The following GRIN1 variants were observed in gnomAD, a reference collection of about 807,000 sequenced individuals.
GRIN1 encodes the protein glutamate ionotropic receptor NMDA type subunit 1.
In GRIN1, 38 loss-of-function variants were observed where a neutral mutation model predicts 103.0. That is an observed-to-expected ratio of 0.37 (90% CI 0.28 to 0.48). The LOEUF is 0.48. Among genes scored for constraint, GRIN1 ranks in the 20% least tolerant of loss-of-function variants. GRIN1 has a pLI of 0.98. For missense variants in GRIN1, 577 were observed against 1,288.9 expected (o/e 0.45, Z 8.46); for synonymous variants, 544 against 532.7 (o/e 1.02, Z -0.29).
At chr9:137,140,734 A>C (rs1197416842) in intron 1 of GRIN1, among the ~76,000 whole-genome samples, 3 of 152,236 alleles carry the variant, frequency 2.0e-5, no homozygotes, top group Non-Finnish European at 4.4e-5. Context: ...GCACATAACC[A>C]TACCCTAGCA....
chr9:137,161,960 A>G lies in GRIN1; in HGVS notation c.1504A>G (p.Met502Val). ...NSNKKEWNGM[M>V]GELLSGQADM... is the part of the protein sequence containing the mutation. ...CAACAAGAAGGAGTGGAATGGGATG[A>G]TGGGCGAGCTGCTCAGCGGGCAGGC... Residue 502 changes from methionine to valine, a missense_variant, in exon 11 of 20, where the codon ATG becomes GTG. Met to Val is a conservative substitution (Grantham distance 21). Around this residue, in one of 9 missense-constraint regions of GRIN1, gnomAD observed 96 missense variants for 145.0 expected, o/e 0.66. Coordinates refer to ENST00000371561, the MANE Select transcript of GRIN1 (RefSeq NM_007327.4). 6.4e-7 allele frequency: 1 copy of G among 1,566,540 alleles called. No individual in the cohort carries two copies. Among genetic ancestry groups the G allele is most frequent in the Non-Finnish European group, 8.7e-7 (1 of 1,155,912 alleles).
chr9:137,156,958 G>C lies in GRIN1; in HGVS notation c.889G>C (p.Glu297Gln). The stretch of plus-strand genomic sequence containing the variant: ...GGCCCAGGCCGTGCACGAGCTCCTC[G>C]AGAAGGAGAACATCACCGACCCGCC... ...VVAQAVHELLEKENITDPPRG... is the reference protein window; with the variant it reads ...VVAQAVHELLQKENITDPPRG... Residue 297 changes from glutamate (E) to glutamine (Q), a missense_variant, in exon 6 of 20, where the codon GAG becomes CAG. By Grantham distance (29) the Glu-to-Gln change is conservative (BLOSUM62 2). This residue lies in a region of GRIN1 where 308 missense variants were observed against 553.6 expected (regional missense o/e 0.56). Transcript: ENST00000371561. The C allele has an allele frequency of 1.2e-6, 2 of 1,612,218 alleles. No individual in the cohort carries two copies. The highest frequency in any genetic ancestry group is 1.7e-6 in the Non-Finnish European group (2 of 1,179,832).
intron 4 of GRIN1, among the ~76,000 whole-genome samples, chr9:137,152,163 C>G (rs1832953804): frequency 6.6e-6 from 1 of 152,166 alleles, no homozygotes; most frequent in Non-Finnish European, 1.5e-5. Context: ...GCCTCGGCCT[C>G]CCAAAGTGCT....
intron 2 of GRIN1, among the ~76,000 whole-genome samples, chr9:137,144,331 G>GA (rs1393031705): frequency 1.3e-5 from 2 of 148,164 alleles, no homozygotes; most frequent in African/African-American, 5.3e-5. Context: ...ACAGGGGTGG[G>GA]AAAAAGGAGG....
At chr9:137,167,312 T>C in intron 19 of GRIN1, 99 bp from the exon 20 acceptor site, 1 of 925,906 alleles carries the variant, frequency 1.1e-6, no homozygotes, top group African/African-American at 1.6e-5. Context: ...GCCCCTGTCC[T>C]GTGGCCGGTC....
chr9:137,142,782 G>C (rs757875414), intron 2 of GRIN1, among the ~76,000 whole-genome samples: 4 of 152,212 alleles, frequency 2.6e-5, no homozygotes, highest in Non-Finnish European at 2.9e-5. Flanking sequence ...TGGGTGGAGA[G>C]CAATGTCTGT....
At chr9:137,162,555 CTCTAGGG>C in intron 13 of GRIN1, 29 bp from the exon 14 acceptor site, 1 of 1,611,070 alleles carries the variant, frequency 6.2e-7, no homozygotes, top group Non-Finnish European at 8.5e-7. Context: ...CGCCTCGGCC[CTCTAGGG>C]TCTGACAGAG....
chr9:137,160,930 C>A, intron 8 of GRIN1, 126 bp from the exon 9 acceptor site: 2 of 1,219,632 alleles, frequency 1.6e-6, no homozygotes, highest in Non-Finnish European at 1.2e-6. Context: ...CGGCGCAGGG[C>A]GGGGGGTGTG....
At chr9:137,147,269 G>A (rs1832593525) in intron 3 of GRIN1, among the ~76,000 whole-genome samples, 1 of 151,544 alleles carries the variant, frequency 6.6e-6, no homozygotes, top group South Asian at 2.1e-4. Flanking sequence ...ACCTGGACAC[G>A]TACTCAGGTG....
chr9:137,163,375 A>G lies in GRIN1; in HGVS notation c.2333+45A>G, dbSNP rs200783719. The G allele has an allele frequency of 1.7e-5, 28 of 1,603,172 alleles. No individual in the cohort carries two copies. In the African/African-American group the frequency reaches 3.2e-4, roughly 18 times the overall value. ...CGTCCCTCCTCCGCCCCTCTCCGCC[A>G]GAGGTGGACGCCCTCCCCAGTGCCA... On this transcript the variant is annotated intron_variant, in intron 16 of 19. Coordinates refer to ENST00000371561, the MANE Select transcript of GRIN1 (RefSeq NM_007327.4).
chr9:137,166,683 TG>T (rs915842194), intron 19 of GRIN1, among the ~76,000 whole-genome samples: 1 of 152,088 alleles, frequency 6.6e-6, no homozygotes, highest in African/African-American at 2.4e-5. Flanking sequence ...GGGTGGACAG[TG>T]AGAGCCTGTA....
chr9:137,167,333 C>T (rs557550935), intron 19 of GRIN1, 78 bp from the exon 20 acceptor site: 9 of 1,118,538 alleles, frequency 8.0e-6, no homozygotes, highest in South Asian at 2.7e-5. Flanking sequence ...CGGGCCAGGG[C>T]GGCACTGGGC....
intron 8 of GRIN1, among the ~76,000 whole-genome samples, chr9:137,160,588 C>T (rs948500921): frequency 6.6e-6 from 1 of 152,164 alleles, no homozygotes; most frequent in Non-Finnish European, 1.5e-5. Context: ...CACCACCACG[C>T]CCGGCTAATT....
chr9:137,159,830 C>T (rs1361351434), intron 8 of GRIN1, among the ~76,000 whole-genome samples: 1 of 152,166 alleles, frequency 6.6e-6, no homozygotes, highest in Non-Finnish European at 1.5e-5. Context: ...GCGGGCCTGC[C>T]CCCCTCTCAG....
At chr9:137,155,765 C>G (rs547382064) in intron 4 of GRIN1, among the ~76,000 whole-genome samples, 8 of 152,358 alleles carry the variant, frequency 5.3e-5, no homozygotes, top group Admixed American at 3.9e-4. Flanking sequence ...GACCAGGTCC[C>G]CTGCTCCACT....
chr9:137,153,914 C>T (rs965917341), intron 4 of GRIN1, among the ~76,000 whole-genome samples: 7 of 151,758 alleles, frequency 4.6e-5, no homozygotes, highest in Admixed American at 2.0e-4. Context: ...GGGATTCAAG[C>T]GATTCTCCTG....
chr9:137,168,512 T>C lies in GRIN1; in HGVS notation c.*985T>C. The stretch of plus-strand genomic sequence containing the variant: ...CCCCGGACGCTGGCTCGGGACTGTC[T>C]TCAACCCTGCCCTGCACCTTGGGCA... On this transcript the variant is annotated 3_prime_UTR_variant, in exon 20 of 20. Coordinates refer to ENST00000371561, the MANE Select transcript of GRIN1 (RefSeq NM_007327.4). 4.6e-6 allele frequency: 1 copy of C among 215,570 alleles called. No homozygotes were observed. Among genetic ancestry groups the C allele is most frequent in the Non-Finnish European group, 9.0e-6 (1 of 110,734 alleles). 13.4% of individuals were successfully genotyped at this position (215,570 alleles called of 1,614,324 possible). A position where few individuals can be genotyped will look rare whatever the true frequency, so the allele number is the denominator to read the frequency against.
In GRIN1 at chr9:137,161,286, C is replaced by T; in HGVS notation, c.1340-3C>T. 2 of 1,612,236 alleles carry T rather than the reference C, an allele frequency of 1.2e-6. No individual in the cohort carries two copies. The highest frequency in any genetic ancestry group is 1.7e-6 in the Non-Finnish European group (2 of 1,179,588). On this transcript the variant is annotated splice_region_variant and splice_polypyrimidine_tract_variant and intron_variant, in intron 9 of 19. Coordinates refer to ENST00000371561, the MANE Select transcript of GRIN1 (RefSeq NM_007327.4). ...CCAGCAGTTACCGCCCGCACCTACC[C>T]AGCCCGCCACACGGTGCCTCAGTGT...
chr9:137,164,577 G>C (rs1355027342), intron 18 of GRIN1: 1 of 178,276 alleles, frequency 5.6e-6, no homozygotes, highest in Admixed American at 5.4e-5. Flanking sequence ...GGCCAGGGCT[G>C]CTGGGGGATG....
Sources: allele counts gnomAD v4.1 joint callset (sites outside exome capture counted in the v4.1 genomes callset), GRCh38; gene constraint gnomAD v4.1.1; regional missense constraint gnomAD v4.1.1; transcripts MANE v1.5; gene names NCBI Gene and HGNC (gene_info 2026-07-23, HGNC 2026-07-21).